PPP2R2B: variants seen among roughly 807,000 people sequenced by gnomAD.
PPP2R2B encodes protein phosphatase 2 regulatory subunit Bbeta.
PPP2R2B carries 5 observed loss-of-function variants against 46.0 expected under a neutral mutation model. The observed-to-expected ratio is 0.11, with a 90% CI of 0.06 to 0.23. PPP2R2B has a LOEUF of 0.23. PPP2R2B is among the 10% of genes least tolerant of loss of function. The pLI is 1.00. For synonymous variants in PPP2R2B, 215 were observed against 206.7 expected (o/e 1.04, Z -0.34); for missense variants, 367 against 575.0 (o/e 0.64, Z 3.70).
At chr5:147,031,718 A>T (rs1466369876) in intron 1 of PPP2R2B, among the ~76,000 whole-genome samples, 3 of 152,192 alleles carry the variant, frequency 2.0e-5, no homozygotes, top group Admixed American at 1.3e-4. Context: ...AATGGAAAAG[A>T]ATAAAGAACC....
At chr5:146,812,006 A>T (rs2151320382) in intron 2 of PPP2R2B, among the ~76,000 whole-genome samples, 1 of 152,242 alleles carries the variant, frequency 6.6e-6, no homozygotes, top group Non-Finnish European at 1.5e-5. Context: ...AGACTTGCCC[A>T]GTTTAATCTA....
intron 4 of PPP2R2B, among the ~76,000 whole-genome samples, chr5:146,696,189 C>T (rs1465302426): frequency 1.3e-5 from 2 of 151,768 alleles, no homozygotes; most frequent in Admixed American, 6.6e-5. Flanking sequence ...CTCCAAGCCC[C>T]GCCTCCTGGA....
chr5:146,999,472 A>C (rs1415098540), intron 1 of PPP2R2B, among the ~76,000 whole-genome samples: 4 of 152,170 alleles, frequency 2.6e-5, no homozygotes, highest in African/African-American at 9.7e-5. Context: ...ATCCCCAGAG[A>C]TTCTGATTTA....
At chr5:146,927,316 C>T (rs542226181) in intron 1 of PPP2R2B, among the ~76,000 whole-genome samples, 1 of 152,270 alleles carries the variant, frequency 6.6e-6, no homozygotes, top group South Asian at 2.1e-4. Flanking sequence ...TGGGTTTTGA[C>T]TCGTCTCTCT....
chr5:146,873,538 T>C (rs1255330249), intron 2 of PPP2R2B, among the ~76,000 whole-genome samples: 3 of 152,178 alleles, frequency 2.0e-5, no homozygotes, highest in Non-Finnish European at 4.4e-5. Context: ...CAACATTTTA[T>C]TATGAAAATT....
At chr5:146,883,173 A>T (rs1274531430), upstream of PPP2R2B, among the ~76,000 whole-genome samples, 1 of 152,190 alleles carries the variant, frequency 6.6e-6, no homozygotes, top group Non-Finnish European at 1.5e-5. Flanking sequence ...AAATTTCATG[A>T]CCTTTGGTGA....
chr5:146,999,297 T>C (rs998943278), intron 1 of PPP2R2B, among the ~76,000 whole-genome samples: 1 of 152,000 alleles, frequency 6.6e-6, no homozygotes, highest in Non-Finnish European at 1.5e-5. Context: ...CTAAGGAAGG[T>C]GGTAAAAATG....
intron 1 of PPP2R2B, among the ~76,000 whole-genome samples, chr5:147,028,464 C>T (rs1172070425): frequency 1.3e-5 from 2 of 152,118 alleles, no homozygotes; most frequent in African/African-American, 2.4e-5. Context: ...CCAAAGCAAA[C>T]ACCATCGTAA....
chr5:146,839,111 T>C (rs1759471314), intron 2 of PPP2R2B, among the ~76,000 whole-genome samples: 1 of 152,226 alleles, frequency 6.6e-6, no homozygotes, highest in Non-Finnish European at 1.5e-5. Context: ...AATACTCTTC[T>C]TCATTCAGAT....
chr5:146,650,973 T>C (rs1775914177), intron 5 of PPP2R2B, among the ~76,000 whole-genome samples: 1 of 152,156 alleles, frequency 6.6e-6, no homozygotes, highest in Non-Finnish European at 1.5e-5. Flanking sequence ...TCTAAACATT[T>C]TTCTAAGCCC....
chr5:147,078,850 A>C, intron 2 of PPP2R2B, among the ~76,000 whole-genome samples: 1 of 151,224 alleles, frequency 6.6e-6, no homozygotes. Flanking sequence ...GACCCTTGAA[A>C]CTCTAACTTA....
intron 2 of PPP2R2B, among the ~76,000 whole-genome samples, chr5:146,704,128 C>T (rs1051908655): frequency 6.6e-6 from 1 of 152,200 alleles, no homozygotes. Context: ...CTGCCCCATC[C>T]ATCTCTGCAT....
At position 146,808,293 on chromosome 5, in the gene PPP2R2B, C is replaced by T. The variant is rs74550911; in HGVS notation, c.70+69709G>A. On this transcript the variant is annotated intron_variant, in intron 2 of 9. Transcript: ENST00000394411. ...TGACATTTCAAGGGCTCAACAGTCA[C>T]ATGTGCCTAGCGGCTACCATGTTGA... 4.1e-3 allele frequency among the ~76,000 whole-genome samples: 621 copies of T among 152,304 alleles called. 9 individuals carry two copies. Among genetic ancestry groups the T allele is most frequent in the African/African-American group, 0.014 (589 of 41,552 alleles).
chr5:146,733,708 G>GAC (rs1554130467), intron 2 of PPP2R2B, among the ~76,000 whole-genome samples: 14 of 151,632 alleles, frequency 9.2e-5, no homozygotes, highest in Admixed American at 4.6e-4. Flanking sequence ...ACCACACACA[G>GAC]ACACACACAC....
chr5:146,785,974 G>A (rs1442958938), intron 2 of PPP2R2B, among the ~76,000 whole-genome samples: 1 of 151,886 alleles, frequency 6.6e-6, no homozygotes, highest in Non-Finnish European at 1.5e-5. Flanking sequence ...AGCACAGTAG[G>A]GTGACTACAG....
At chr5:146,793,295 C>T (rs558123613) in intron 2 of PPP2R2B, among the ~76,000 whole-genome samples, 16 of 152,046 alleles carry the variant, frequency 1.1e-4, no homozygotes, top group East Asian at 5.8e-4. Flanking sequence ...ATTAAGTCTG[C>T]GATATTTTAT....
chr5:146,968,979 A>G (rs548930077), intron 1 of PPP2R2B, among the ~76,000 whole-genome samples: 1 of 152,382 alleles, frequency 6.6e-6, no homozygotes, highest in East Asian at 1.9e-4. Context: ...CTTAACAACC[A>G]GTTCAAAACA....
chr5:146,689,622 T>C (rs1304291119), intron 5 of PPP2R2B, among the ~76,000 whole-genome samples: 1 of 152,192 alleles, frequency 6.6e-6, no homozygotes, highest in Non-Finnish European at 1.5e-5. Flanking sequence ...TTAAGTGATA[T>C]ATGACTGTCA....
chr5:146,628,468 T>G (rs1416967246), intron 7 of PPP2R2B, among the ~76,000 whole-genome samples: 1 of 152,174 alleles, frequency 6.6e-6, no homozygotes, highest in African/African-American at 2.4e-5. Flanking sequence ...CAAGGATTGG[T>G]GCTGCAGGGC....
Sources: gnomAD v4.1 joint callset for allele counts (sites outside exome capture counted in the v4.1 genomes callset) on GRCh38, gnomAD v4.1.1 for gene constraint, MANE v1.5 for transcripts, NCBI Gene and HGNC (gene_info 2026-07-23, HGNC 2026-07-21) for gene names.